Variants in LHFPL2 observed in about 807,000 individuals in gnomAD.
LHFPL2 encodes the protein LHFPL tetraspan subfamily member 2.
Under a neutral mutation model 17.5 loss-of-function variants are expected in LHFPL2, and 7 were observed. The ratio of observed to expected loss-of-function variants is 0.40; its 90% CI spans 0.23 to 0.75. The LOEUF is 0.75. Among genes scored for constraint, LHFPL2 ranks in the 30% least tolerant of loss-of-function variants. LHFPL2 has a pLI of 0.37. For missense variants in LHFPL2, 241 were observed against 294.8 expected, an observed-to-expected ratio of 0.82 and a Z score of 1.34; for synonymous variants, 134 against 116.2, an observed-to-expected ratio of 1.15 and a Z score of -0.99.
At chr5:78,632,537 T>G (rs929123185) in intron 1 of LHFPL2, among the ~76,000 whole-genome samples, 169 bp from the exon 2 acceptor site, 2 of 152,194 alleles carry the variant, frequency 1.3e-5, no homozygotes, top group Admixed American at 1.3e-4. Flanking sequence ...TAGGTGACAA[T>G]GCTAGTTTAC....
At chr5:78,560,631 G>A (rs10074749) in intron 3 of LHFPL2, among the ~76,000 whole-genome samples, 59,782 of 152,048 alleles carry the variant, frequency 0.39, 12,199 homozygotes, top group Middle Eastern at 0.48. Flanking sequence ...AGGCAGTGGA[G>A]GCCAAAGGAC....
intron 1 of LHFPL2, among the ~76,000 whole-genome samples, chr5:78,633,465 A>C (rs1745323863): frequency 6.6e-6 from 1 of 152,200 alleles, no homozygotes. Flanking sequence ...ACCATCCCAG[A>C]CCTAGGGACT....
At chr5:78,615,154 T>C (rs1359553878) in intron 2 of LHFPL2, among the ~76,000 whole-genome samples, 2 of 152,172 alleles carry the variant, frequency 1.3e-5, no homozygotes, top group Non-Finnish European at 2.9e-5. Flanking sequence ...CTGACAGCCT[T>C]TGGGCAAACC....
At chr5:78,509,656 G>T in intron 4 of LHFPL2, 128 bp downstream of exon 4, 1 of 962,402 alleles carries the variant, frequency 1.0e-6, no homozygotes. Flanking sequence ...AGGGGCAAAG[G>T]AAACCTGAAT....
intron 2 of LHFPL2, among the ~76,000 whole-genome samples, chr5:78,622,192 G>A (rs1443859567): frequency 1.3e-5 from 2 of 152,118 alleles, no homozygotes; most frequent in African/African-American, 4.8e-5. Flanking sequence ...AAGCGACAGG[G>A]TGGCACCAGC....
chr5:78,642,763 T>A (rs1194619986), intron 1 of LHFPL2, among the ~76,000 whole-genome samples: 2 of 152,150 alleles, frequency 1.3e-5, no homozygotes, highest in African/African-American at 4.8e-5. Flanking sequence ...TCAACTGAAC[T>A]CATTACTCCT....
intron 3 of LHFPL2, among the ~76,000 whole-genome samples, chr5:78,526,920 C>G (rs751758354): frequency 6.6e-6 from 1 of 152,108 alleles, no homozygotes; most frequent in Non-Finnish European, 1.5e-5. Context: ...CATAGCCCAG[C>G]TTGGAAAAGA....
At chr5:78,585,346 T>G (rs1364295049) in intron 2 of LHFPL2, among the ~76,000 whole-genome samples, 1 of 149,854 alleles carries the variant, frequency 6.7e-6, no homozygotes, top group Non-Finnish European at 1.5e-5. Context: ...AAGCGCAGTA[T>G]TCAGGTGGGA....
Position 78,644,362 on chromosome 5 carries a change from T to C in LHFPL2, c.-350+4137A>G, listed in dbSNP as rs577837880. ...TTTTTTGCTGCATCAGGCTTTCCTTTAGCTCACTATGCAGCAATATCCTTT... is the reference window on the plus strand; with the variant it reads ...TTTTTTGCTGCATCAGGCTTTCCTTCAGCTCACTATGCAGCAATATCCTTT... On this transcript the variant is annotated intron_variant, in intron 1 of 4. Transcript: ENST00000380345. The C allele has an allele frequency of 3.5e-5, 40 of 1,143,590 alleles. 1 individual carries two copies. In the South Asian group the frequency reaches 4.0e-4, roughly 12 times the overall value. 70.8% of individuals were successfully genotyped at this position (1,143,590 alleles called of 1,614,324 possible). A position where few individuals can be genotyped will look rare whatever the true frequency, so the allele number is the denominator to read the frequency against.
intron 2 of LHFPL2, among the ~76,000 whole-genome samples, chr5:78,623,258 T>G (rs1744920354): frequency 6.6e-6 from 1 of 152,248 alleles, no homozygotes; most frequent in Admixed American, 6.5e-5. Flanking sequence ...TTCTTGCTTA[T>G]TAACATTAAT....
At chr5:78,620,250 T>C (rs1744799893) in intron 2 of LHFPL2, among the ~76,000 whole-genome samples, 1 of 151,284 alleles carries the variant, frequency 6.6e-6, no homozygotes. Context: ...ATTTCTCTGA[T>C]GGCCAGTGAT....
intron 3 of LHFPL2, among the ~76,000 whole-genome samples, chr5:78,520,989 G>A (rs1404799165): frequency 6.6e-6 from 1 of 152,194 alleles, no homozygotes; most frequent in Non-Finnish European, 1.5e-5. Flanking sequence ...TATGCCGAAA[G>A]ACATGGCAGA....
At chr5:78,643,346 C>T (rs1024625459) in intron 1 of LHFPL2, among the ~76,000 whole-genome samples, 3 of 152,216 alleles carry the variant, frequency 2.0e-5, no homozygotes, top group African/African-American at 7.2e-5. Context: ...CTTTCAGCCA[C>T]ATCTTCTATA....
At chr5:78,586,896 G>GTATATAT (rs1743429645) in intron 2 of LHFPL2, among the ~76,000 whole-genome samples, 1 of 152,092 alleles carries the variant, frequency 6.6e-6, no homozygotes, top group African/African-American at 2.4e-5. Context: ...CCAACACTTG[G>GTATATAT]AATAGTCTTT....
intron 2 of LHFPL2, among the ~76,000 whole-genome samples, chr5:78,586,829 A>G (rs916816642): frequency 1.3e-5 from 2 of 152,250 alleles, no homozygotes; most frequent in Admixed American, 1.3e-4. Context: ...TTATTTGAGA[A>G]GTTCTAGAAA....
intron 2 of LHFPL2, among the ~76,000 whole-genome samples, chr5:78,602,559 C>G (rs1357952415): frequency 6.6e-6 from 1 of 152,172 alleles, no homozygotes; most frequent in Admixed American, 6.5e-5. Flanking sequence ...AAACACCTCC[C>G]ATAGGGGAGT....
At chr5:78,587,721 G>C (rs1448135588) in intron 2 of LHFPL2, among the ~76,000 whole-genome samples, 1 of 152,206 alleles carries the variant, frequency 6.6e-6, no homozygotes, top group African/African-American at 2.4e-5. Context: ...TTGGTTTCTT[G>C]TGTCTTTTGC....
intron 3 of LHFPL2, among the ~76,000 whole-genome samples, chr5:78,528,398 AT>A (rs1755682324): frequency 6.6e-6 from 1 of 152,178 alleles, no homozygotes; most frequent in African/African-American, 2.4e-5. Flanking sequence ...CACAAACCCT[AT>A]TGTGAACTGT....
chr5:78,574,679 T>C (rs924575634), intron 2 of LHFPL2, among the ~76,000 whole-genome samples: 4 of 152,220 alleles, frequency 2.6e-5, no homozygotes, highest in African/African-American at 4.8e-5. Context: ...CCACCTACAA[T>C]TGATTGAAGT....
Sources: allele counts gnomAD v4.1 joint callset (sites outside exome capture counted in the v4.1 genomes callset), GRCh38; gene constraint gnomAD v4.1.1; transcripts MANE v1.5; gene names NCBI Gene and HGNC (gene_info 2026-07-23, HGNC 2026-07-21).